FANCD2OS: variants seen among roughly 807,000 people sequenced by gnomAD.
The protein encoded by FANCD2OS is FANCD2 opposite strand, also known as FANCD2 opposite strand protein.
Under a neutral mutation model 13.2 loss-of-function variants are expected in FANCD2OS, and 11 were observed. The ratio of observed to expected loss-of-function variants is 0.83; its 90% CI spans 0.52 to 1.38. The LOEUF (loss-of-function observed/expected upper bound fraction) is 1.38, where lower values mean the gene tolerates loss of function less well. Among genes scored for constraint, FANCD2OS ranks in the 40% most tolerant of loss-of-function variants. The pLI is 0.00. For synonymous variants in FANCD2OS, 69 were observed against 84.5 expected, an observed-to-expected ratio of 0.82 and a Z score of 1.01; for missense variants, 217 against 213.9, an observed-to-expected ratio of 1.01 and a Z score of -0.09.
chr3:10,091,267 G>A (rs565902593), intron 2 of FANCD2OS, among the ~76,000 whole-genome samples: 1 of 151,712 alleles, frequency 6.6e-6, no homozygotes, highest in East Asian at 2.0e-4. Context: ...TTTTAGTAGA[G>A]GCGGGGTTTT....
intron 2 of FANCD2OS, among the ~76,000 whole-genome samples, chr3:10,084,388 C>G (rs757745982): frequency 2.8e-4 from 43 of 151,918 alleles, no homozygotes; most frequent in Admixed American, 7.2e-4. Context: ...GACTCCCAGG[C>G]TATAAATCCT....
intron 2 of FANCD2OS, chr3:10,087,027 T>G: frequency 3.4e-6 from 4 of 1,190,720 alleles, no homozygotes; most frequent in Non-Finnish European, 5.0e-6. Context: ...GGATTCTGAT[T>G]AGGCCGTCAA....
At chr3:10,085,941 G>A in intron 2 of FANCD2OS, 1 of 1,527,692 alleles carries the variant, frequency 6.5e-7, no homozygotes, top group Non-Finnish European at 9.1e-7. Flanking sequence ...TAACTACATA[G>A]CCAAGATTGT....
intron 2 of FANCD2OS, among the ~76,000 whole-genome samples, chr3:10,096,904 G>T (rs945060883): frequency 1.3e-5 from 2 of 152,086 alleles, no homozygotes; most frequent in East Asian, 3.9e-4. Flanking sequence ...GACCTGCCCC[G>T]ATAATCACGT....
At chr3:10,102,486 G>A (rs1004210122), downstream of FANCD2OS, among the ~76,000 whole-genome samples, 3 of 151,984 alleles carry the variant, frequency 2.0e-5, no homozygotes, top group Non-Finnish European at 4.4e-5. Flanking sequence ...CAAAAGGAAT[G>A]TTTTGGCTGC....
chr3:10,081,603 T>C (rs1271370783), intron 2 of FANCD2OS: 2 of 769,710 alleles, frequency 2.6e-6, no homozygotes, highest in African/African-American at 1.7e-5. Flanking sequence ...TGTGGGAGTG[T>C]TTTTGTCTGT....
intron 2 of FANCD2OS, chr3:10,090,173 C>A: frequency 1.4e-6 from 1 of 715,262 alleles, no homozygotes; most frequent in Non-Finnish European, 2.5e-6. Context: ...TACTAAGGAC[C>A]CTAGTGAAAG....
In FANCD2OS at chr3:10,094,143, A is replaced by AAT. The variant is rs1694813967; in HGVS notation, c.*43+10053_*43+10054dup. The AAT allele has an allele frequency of 2.6e-5, 18 of 681,100 alleles. No homozygotes were observed. In the South Asian group the frequency reaches 3.0e-4, roughly 11 times the overall value. The allele number at this position is 681,100 out of a possible 1,614,324, so 42.2% of individuals were successfully genotyped here. A position where few individuals can be genotyped will look rare whatever the true frequency, so the allele number is the denominator to read the frequency against. On this transcript the variant is annotated intron_variant, in intron 2 of 2. Transcript: ENST00000524279. ...TTTTTGTATTAAGTTACATTCTCCA[A>AAT]ATAAACCTTTTGGACCCTTCCCAAT...
chr3:10,098,985 A>G (rs1469001443), downstream of FANCD2OS: 11 of 1,613,958 alleles, frequency 6.8e-6, no homozygotes, highest in African/African-American at 1.3e-5. Flanking sequence ...TGGGACCCAG[A>G]AGAAACAACG....
downstream of FANCD2OS, among the ~76,000 whole-genome samples, chr3:10,100,744 A>G (rs913434635): frequency 1.3e-5 from 2 of 152,278 alleles, no homozygotes; most frequent in South Asian, 2.1e-4. Context: ...ATATACATGC[A>G]GTAGAGCTGG....
chr3:10,097,656 T>C (rs943477715), intron 2 of FANCD2OS, among the ~76,000 whole-genome samples: 4 of 152,192 alleles, frequency 2.6e-5, no homozygotes, highest in African/African-American at 9.7e-5. Flanking sequence ...GTACAATTTG[T>C]GTAGTTAACG....
intron 2 of FANCD2OS, among the ~76,000 whole-genome samples, chr3:10,091,987 T>G (rs1422505590): frequency 6.6e-6 from 1 of 152,218 alleles, no homozygotes; most frequent in Admixed American, 6.5e-5. Context: ...TCTGTCCCTA[T>G]GAGGTGTTCT....
chr3:10,106,478 C>G (rs1032010950), intron 1 of FANCD2OS, among the ~76,000 whole-genome samples: 4 of 152,148 alleles, frequency 2.6e-5, no homozygotes, highest in Admixed American at 2.0e-4. Context: ...CCTTTTCTTT[C>G]TAGCCAAGTG....
chr3:10,090,390 G>T, intron 2 of FANCD2OS: 3 of 1,515,332 alleles, frequency 2.0e-6, no homozygotes, highest in South Asian at 2.2e-5. Flanking sequence ...CAGCAGGTGA[G>T]TAAGATAATA....
intron 2 of FANCD2OS, among the ~76,000 whole-genome samples, chr3:10,084,227 C>G (rs375948560): frequency 1.3e-5 from 2 of 151,218 alleles, no homozygotes; most frequent in Non-Finnish European, 2.9e-5. Flanking sequence ...CTCCTGACCC[C>G]GTGATCTACC....
At chr3:10,083,184 A>G (rs1168654146) in intron 2 of FANCD2OS, among the ~76,000 whole-genome samples, 2 of 152,144 alleles carry the variant, frequency 1.3e-5, no homozygotes, top group Admixed American at 6.5e-5. Context: ...CCAAGATTGC[A>G]ACACTGCACT....
At position 10,104,116 on chromosome 3, in the gene FANCD2OS, G is replaced by T; in HGVS notation, c.*125C>A. The T allele has an allele frequency of 1.1e-6, 1 of 896,946 alleles. No individual in the cohort carries two copies. The highest frequency in any genetic ancestry group is 1.7e-6 in the Non-Finnish European group (1 of 605,708). 55.6% of individuals were successfully genotyped at this position (896,946 alleles called of 1,614,324 possible). On this transcript the variant is annotated 3_prime_UTR_variant, in exon 2 of 2. Transcript: ENST00000450660. ...TGAAAGGGGCTCCTGAATCATCACT[G>T]CTTGAAACAAAAGCAAGATGGCTGG... is the stretch of plus-strand genomic sequence containing the variant.
chr3:10,099,358 C>A (rs540249462), downstream of FANCD2OS: 17 of 1,179,836 alleles, frequency 1.4e-5, no homozygotes, highest in African/African-American at 2.4e-4. Context: ...CGCAGTGGCT[C>A]ATGCTTGTAA....
At chr3:10,096,156 C>T (rs748445025) in intron 2 of FANCD2OS, among the ~76,000 whole-genome samples, 2 of 152,160 alleles carry the variant, frequency 1.3e-5, no homozygotes, top group Non-Finnish European at 2.9e-5. Context: ...AATTCTTTAG[C>T]TGCCATTCTC....
Sources: gnomAD v4.1 joint callset for allele counts (sites outside exome capture counted in the v4.1 genomes callset) on GRCh38, gnomAD v4.1.1 for gene constraint, MANE v1.5 for transcripts, NCBI Gene and HGNC (gene_info 2026-07-23, HGNC 2026-07-21) for gene names.